CCDC171: variants seen among roughly 807,000 people sequenced by gnomAD.
The protein encoded by CCDC171 is coiled-coil domain containing 171.
Under a neutral mutation model 168.2 loss-of-function variants are expected in CCDC171, and 177 were observed. The observed-to-expected ratio is 1.05, with a 90% CI of 0.93 to 1.19. The LOEUF (loss-of-function observed/expected upper bound fraction) is 1.19. Ranked by LOEUF, CCDC171 falls within the 50% of genes most tolerant of loss-of-function variation. The pLI is 0.00. For synonymous variants in CCDC171, 687 were observed against 540.8 expected, an observed-to-expected ratio of 1.27 and a Z score of -3.75; for missense variants, 1,991 against 1,539.0, an observed-to-expected ratio of 1.29 and a Z score of -4.91.
At chr9:15,920,243 T>G in intron 24 of CCDC171, 27 bp from the exon 25 acceptor site, 1 of 1,476,784 alleles carries the variant, frequency 6.8e-7, no homozygotes, top group East Asian at 2.3e-5. Flanking sequence ...ATTTGAATTA[T>G]ATGTGACATT....
intron 7 of CCDC171, among the ~76,000 whole-genome samples, chr9:15,633,674 G>A (rs1353883980): frequency 4.6e-5 from 7 of 152,260 alleles, no homozygotes; most frequent in East Asian, 1.9e-4. Context: ...CCATTACTGG[G>A]TATATACCGA....
chr9:15,611,359 G>A (rs968003141), intron 6 of CCDC171, among the ~76,000 whole-genome samples: 1 of 152,162 alleles, frequency 6.6e-6, no homozygotes, highest in Non-Finnish European at 1.5e-5. Context: ...GCAAATGTCC[G>A]GTGATTCTAG....
chr9:15,988,145 G>A (rs1371772859), intron 3 of CCDC171, among the ~76,000 whole-genome samples: 2 of 152,170 alleles, frequency 1.3e-5, no homozygotes, highest in African/African-American at 4.8e-5. Flanking sequence ...AAGCAGTACA[G>A]TAGCATCACC....
chr9:15,728,024 G>A lies in CCDC171; in HGVS notation c.1848G>A (p.Arg616=), dbSNP rs755496801. The part of the protein sequence containing the change: ...NVDALIADLN[R]ANEKIRHLEY... ...ATGCCCTGATTGCAGACCTCAACAG[G>A]GCTAATGAGAAGGTAACTGTCCTCA... Residue 616 remains arginine (R), a synonymous_variant, in exon 15 of 26, where the codon AGG becomes AGA. Transcript: ENST00000380701. The A allele has an allele frequency of 2.5e-6, 4 of 1,610,212 alleles. No homozygotes were observed. Among genetic ancestry groups the A allele is most frequent in the Non-Finnish European group, 3.4e-6 (4 of 1,178,190 alleles).
intron 21 of CCDC171, among the ~76,000 whole-genome samples, chr9:15,801,443 A>G (rs781133746): frequency 2.1e-4 from 32 of 152,010 alleles, no homozygotes; most frequent in Non-Finnish European, 1.5e-5. Context: ...TGGAAATACT[A>G]CTGAATTTTG....
chr9:15,995,356 G>T (rs1002765938), intron 3 of CCDC171, among the ~76,000 whole-genome samples: 1 of 152,216 alleles, frequency 6.6e-6, no homozygotes, highest in Non-Finnish European at 1.5e-5. Context: ...CAAAATGTTT[G>T]TGAAACCAGT....
chr9:15,903,856 G>A (rs916781152), intron 24 of CCDC171, among the ~76,000 whole-genome samples: 1 of 152,194 alleles, frequency 6.6e-6, no homozygotes, highest in Non-Finnish European at 1.5e-5. Context: ...TGAAAACCAT[G>A]GCACGAGAGG....
intron 18 of CCDC171, among the ~76,000 whole-genome samples, chr9:15,771,854 G>C (rs2057030062): frequency 6.6e-6 from 1 of 151,972 alleles, no homozygotes; most frequent in Non-Finnish European, 1.5e-5. Context: ...GGACGGGCGG[G>C]GCAGAGGCTG....
At chr9:15,597,469 C>A (rs904534998) in intron 6 of CCDC171, among the ~76,000 whole-genome samples, 1 of 152,140 alleles carries the variant, frequency 6.6e-6, no homozygotes, top group Admixed American at 6.6e-5. Context: ...ATATGTTGAA[C>A]CAGCCTTGCA....
chr9:15,804,049 G>C (rs1330428629), intron 21 of CCDC171, among the ~76,000 whole-genome samples: 2 of 151,936 alleles, frequency 1.3e-5, no homozygotes, highest in Non-Finnish European at 2.9e-5. Context: ...GTTGGTGTAT[G>C]GGAATGCTAG....
At chr9:15,584,750 A>G (rs1338051477) in intron 4 of CCDC171, among the ~76,000 whole-genome samples, 2 of 152,126 alleles carry the variant, frequency 1.3e-5, no homozygotes, top group African/African-American at 4.8e-5. Context: ...AAGCCACCAT[A>G]ATTGGGGGTA....
intron 1 of CCDC171, among the ~76,000 whole-genome samples, chr9:16,054,064 C>T (rs1324040222): frequency 2.6e-5 from 4 of 152,168 alleles, no homozygotes; most frequent in Non-Finnish European, 5.9e-5. Context: ...CTTTCCTTTT[C>T]TTCCGGGTTC....
At chr9:16,041,299 T>G (rs1833567465), upstream of CCDC171, among the ~76,000 whole-genome samples, 1 of 152,080 alleles carries the variant, frequency 6.6e-6, no homozygotes, top group Admixed American at 6.6e-5. Context: ...AGGGAGGCAT[T>G]TGGGAGCAGG....
At chr9:16,075,695 C>T in the CCDC171 span, among the ~76,000 whole-genome samples, 1 of 152,192 alleles carries the variant, frequency 6.6e-6, no homozygotes, top group Admixed American at 6.5e-5. Context: ...TATCAGGCCA[C>T]AGCTTTAGTC....
At chr9:15,743,362 G>A (rs1199274928) in intron 16 of CCDC171, among the ~76,000 whole-genome samples, 2 of 151,206 alleles carry the variant, frequency 1.3e-5, no homozygotes, top group Admixed American at 6.6e-5. Flanking sequence ...TGTGGAGATG[G>A]GGTCTTGCTA....
At chr9:15,887,028 A>T (rs1281818582) in intron 24 of CCDC171, among the ~76,000 whole-genome samples, 2 of 152,142 alleles carry the variant, frequency 1.3e-5, no homozygotes, top group African/African-American at 4.8e-5. Flanking sequence ...TGGTCATAAG[A>T]TGAATAATCT....
chr9:16,045,738 G>C (rs1202104371), intron 1 of CCDC171, among the ~76,000 whole-genome samples: 1 of 152,148 alleles, frequency 6.6e-6, no homozygotes, highest in Non-Finnish European at 1.5e-5. Context: ...ACAGCTGCTG[G>C]GATGAGGCAG....
At chr9:15,951,478 A>G (rs1589227732) in intron 25 of CCDC171, among the ~76,000 whole-genome samples, 2 of 152,024 alleles carry the variant, frequency 1.3e-5, no homozygotes, top group South Asian at 4.2e-4. Flanking sequence ...TCCATCTTCC[A>G]TTTGCTTGGT....
At chr9:16,084,014 T>C in the CCDC171 span, among the ~76,000 whole-genome samples, 1 of 152,192 alleles carries the variant, frequency 6.6e-6, no homozygotes. Flanking sequence ...AAACATGGTT[T>C]TTCTACTTGA....
Sources: allele counts gnomAD v4.1 joint callset (sites outside exome capture counted in the v4.1 genomes callset), GRCh38; gene constraint gnomAD v4.1.1; transcripts MANE v1.5; gene names NCBI Gene and HGNC (gene_info 2026-07-23, HGNC 2026-07-21).